The following SCARA3 variants were observed in gnomAD, a reference collection of about 807,000 sequenced individuals.
SCARA3 encodes cellular stress response gene protein.
In SCARA3, 39 loss-of-function variants were observed where a neutral mutation model predicts 47.0. The observed-to-expected ratio is 0.83, with a 90% CI of 0.64 to 1.08. SCARA3 has a LOEUF of 1.08. SCARA3 is among the 50% of genes least tolerant of loss of function. SCARA3 has a pLI of 0.00. For synonymous variants in SCARA3, 356 were observed against 334.1 expected, an observed-to-expected ratio of 1.07 and a Z score of -0.71; for missense variants, 724 against 792.3, an observed-to-expected ratio of 0.91 and a Z score of 1.04.
At chr8:27,676,574 A>G, downstream of SCARA3, 1 of 1,603,756 alleles carries the variant, frequency 6.2e-7, no homozygotes, top group Non-Finnish European at 8.5e-7. Flanking sequence ...TCTAGGTCAC[A>G]CTTTGTTTTC....
At chr8:27,716,059 AC>A in the SCARA3 span, among the ~76,000 whole-genome samples, 1 of 152,058 alleles carries the variant, frequency 6.6e-6, no homozygotes, top group East Asian at 1.9e-4. Flanking sequence ...TAATCCCAAA[AC>A]TTTGAGAGGC....
chr8:27,686,885 A>G, the SCARA3 span, among the ~76,000 whole-genome samples: 1 of 152,090 alleles, frequency 6.6e-6, no homozygotes, highest in Non-Finnish European at 1.5e-5. Context: ...GAACAGATCA[A>G]CCCATCACTA....
At chr8:27,648,374 A>G (rs966637177) in intron 1 of SCARA3, among the ~76,000 whole-genome samples, 1 of 152,238 alleles carries the variant, frequency 6.6e-6, no homozygotes, top group African/African-American at 2.4e-5. Context: ...TGGGAGGCCA[A>G]GGTGGGTGGA....
intron 3 of SCARA3, among the ~76,000 whole-genome samples, chr8:27,654,789 C>CAAAA (rs539914704): frequency 1.2e-5 from 1 of 86,116 alleles, no homozygotes; most frequent in African/African-American, 4.6e-5. Flanking sequence ...GACTGTCTCA[C>CAAAA]AAAAAAAAAA....
the SCARA3 span, among the ~76,000 whole-genome samples, chr8:27,685,027 G>A: frequency 4.3e-4 from 66 of 152,268 alleles, no homozygotes; most frequent in Non-Finnish European, 4.6e-4. Context: ...GTTTAGAATG[G>A]AGAGGACCTG....
At chr8:27,639,378 A>G (rs1158132247) in intron 1 of SCARA3, among the ~76,000 whole-genome samples, 1 of 152,158 alleles carries the variant, frequency 6.6e-6, no homozygotes, top group African/African-American at 2.4e-5. Context: ...CCGGGAGAGA[A>G]AGGGAGCATT....
In SCARA3 at chr8:27,672,775, T is replaced by G. The variant is rs1802197943; in HGVS notation, c.*1424T>G. On this transcript the variant is annotated 3_prime_UTR_variant, in exon 6 of 6. Coordinates refer to ENST00000301904, the MANE Select transcript of SCARA3 (RefSeq NM_016240.3). ...ACTCTAAAGCTGCTTTGCCTTCATGTTCAAACAGATTCAGGCACCACCCCC... is the reference window on the plus strand; with the variant it reads ...ACTCTAAAGCTGCTTTGCCTTCATGGTCAAACAGATTCAGGCACCACCCCC... 1.0e-6 allele frequency: 1 copy of G among 985,406 alleles called. No homozygotes were observed. Among genetic ancestry groups the G allele is most frequent in the African/African-American group, 1.7e-5 (1 of 57,236 alleles). 61.0% of individuals were successfully genotyped at this position (985,406 alleles called of 1,614,324 possible). A position where few individuals can be genotyped will look rare whatever the true frequency, so the allele number is the denominator to read the frequency against.
At chr8:27,692,950 C>A in the SCARA3 span, among the ~76,000 whole-genome samples, 4 of 151,978 alleles carry the variant, frequency 2.6e-5, no homozygotes, top group South Asian at 8.3e-4. Flanking sequence ...CATGGCAAAA[C>A]CCTGTCTCTA....
the SCARA3 span, among the ~76,000 whole-genome samples, chr8:27,726,218 G>A: frequency 1.3e-5 from 2 of 151,652 alleles, no homozygotes; most frequent in African/African-American, 4.9e-5. Context: ...ACCAGCCTGG[G>A]TGACATAGCA....
chr8:27,671,140 C>A lies in SCARA3; in HGVS notation c.1610C>A (p.Pro537Gln), dbSNP rs930139261. ...SFGTGGPRGQ[P>Q]GPKGDIGPPG... is the part of the protein sequence containing the mutation. ...GGAACTGGAGGGCCGAGAGGACAGC[C>A]AGGCCCAAAAGGGGACATAGGGCCC... Residue 537 changes from proline (P) to glutamine (Q), a missense_variant, in exon 6 of 6, where the codon CCA becomes CAA. Coordinates refer to ENST00000301904, the MANE Select transcript of SCARA3 (RefSeq NM_016240.3). 6.4e-7 allele frequency: 1 copy of A among 1,567,052 alleles called. No homozygotes were observed. Among genetic ancestry groups the A allele is most frequent in the Non-Finnish European group, 8.6e-7 (1 of 1,157,020 alleles).
chr8:27,716,552 G>C, the SCARA3 span, among the ~76,000 whole-genome samples: 1 of 152,102 alleles, frequency 6.6e-6, no homozygotes, highest in Admixed American at 6.6e-5. Context: ...GGATGAAATA[G>C]GAAATCTAAT....
the SCARA3 span, among the ~76,000 whole-genome samples, chr8:27,686,918 AGC>A: frequency 3.3e-5 from 5 of 152,192 alleles, no homozygotes; most frequent in Non-Finnish European, 7.4e-5. Context: ...AGCGTTCATC[AGC>A]TGTTCTTCCT....
At chr8:27,723,191 C>G in the SCARA3 span, among the ~76,000 whole-genome samples, 1 of 152,152 alleles carries the variant, frequency 6.6e-6, no homozygotes, top group East Asian at 1.9e-4. Context: ...GGGCCTGGAG[C>G]CCCTCAGCCC....
chr8:27,696,499 A>G, the SCARA3 span, among the ~76,000 whole-genome samples: 1 of 152,154 alleles, frequency 6.6e-6, no homozygotes, highest in Non-Finnish European at 1.5e-5. Flanking sequence ...TCTGTCACCC[A>G]GGCTGGAGTG....
the SCARA3 span, among the ~76,000 whole-genome samples, chr8:27,693,175 C>CTA: frequency 6.6e-6 from 1 of 151,498 alleles, no homozygotes; most frequent in Admixed American, 6.6e-5. Context: ...CCACCTATGA[C>CTA]CTGAAACCCC....
Position 27,672,330 on chromosome 8 carries a change from C to T in SCARA3, c.*979C>T, listed in dbSNP as rs1306130360. The T allele has an allele frequency of 3.0e-6, 3 of 985,350 alleles. No homozygotes were observed. The highest frequency in any genetic ancestry group is 3.5e-5 in the African/African-American group (2 of 57,230). The allele number at this position is 985,350 out of a possible 1,614,324, so 61.0% of individuals were successfully genotyped here. A position where few individuals can be genotyped will look rare whatever the true frequency, so the allele number is the denominator to read the frequency against. On this transcript the variant is annotated 3_prime_UTR_variant, in exon 6 of 6. Coordinates refer to ENST00000301904, the MANE Select transcript of SCARA3 (RefSeq NM_016240.3). ...CATCTGCATGGGGGCACTCTGCAGG[C>T]CCTGGAACATTGGGCCTGAGTGGAG... is the stretch of plus-strand genomic sequence containing the variant.
At chr8:27,717,125 G>C in the SCARA3 span, among the ~76,000 whole-genome samples, 1 of 152,224 alleles carries the variant, frequency 6.6e-6, no homozygotes, top group East Asian at 1.9e-4. Context: ...AAATGGGACA[G>C]CTGGGTGTGA....
At chr8:27,710,249 A>AAAAAC in the SCARA3 span, among the ~76,000 whole-genome samples, 2 of 143,546 alleles carry the variant, frequency 1.4e-5, no homozygotes, top group African/African-American at 5.1e-5. Flanking sequence ...AAAAAAAAAA[A>AAAAAC]GGAGAGATTT....
chr8:27,706,268 C>T, the SCARA3 span, among the ~76,000 whole-genome samples: 1 of 152,198 alleles, frequency 6.6e-6, no homozygotes, highest in African/African-American at 2.4e-5. Context: ...ATTCTCCTGC[C>T]TCAGCCTCCC....
Sources: gnomAD v4.1 joint callset for allele counts (sites outside exome capture counted in the v4.1 genomes callset) on GRCh38, gnomAD v4.1.1 for gene constraint, MANE v1.5 for transcripts, NCBI Gene and HGNC (gene_info 2026-07-23, HGNC 2026-07-21) for gene names.